Variants in ZDHHC14 observed in about 807,000 individuals in gnomAD.
ZDHHC14 encodes the protein palmitoyltransferase ZDHHC14.
A neutral mutation model predicts 47.7 loss-of-function variants in ZDHHC14; 16 were observed. The ratio of observed to expected loss-of-function variants is 0.34; its 90% CI spans 0.23 to 0.51. The LOEUF is 0.51. ZDHHC14 is among the 20% of genes least tolerant of loss of function. The pLI is 0.97. For missense variants in ZDHHC14, 515 were observed against 662.5 expected (o/e 0.78, Z 2.44); for synonymous variants, 293 against 278.9 (o/e 1.05, Z -0.50).
chr6:157,458,849 A>ATTTTTTTTTTTTTTTTGTTT (rs1778992949), intron 1 of ZDHHC14, among the ~76,000 whole-genome samples: 1 of 81,226 alleles, frequency 1.2e-5, no homozygotes, highest in Non-Finnish European at 2.3e-5. Context: ...ATGTGGGTGG[A>ATTTTTTTTTTTTTTTTGTTT]TTTTTTTTTT....
intron 1 of ZDHHC14, among the ~76,000 whole-genome samples, chr6:157,465,974 G>A (rs1288483116): frequency 2.6e-5 from 4 of 152,076 alleles, no homozygotes; most frequent in Admixed American, 1.3e-4. Flanking sequence ...CCCGGGAGGC[G>A]GAGCTTGCAG....
At chr6:157,542,831 G>A in intron 2 of ZDHHC14, 86 bp downstream of exon 2, 6 of 1,489,664 alleles carry the variant, frequency 4.0e-6, no homozygotes, top group Non-Finnish European at 5.4e-6. Flanking sequence ...GGGCTGTGCA[G>A]GAGGAGCTGA....
chr6:157,476,126 C>A (rs1185205560), intron 1 of ZDHHC14, among the ~76,000 whole-genome samples: 1 of 151,852 alleles, frequency 6.6e-6, no homozygotes, highest in African/African-American at 2.4e-5. Flanking sequence ...GAAATAAAGA[C>A]TAGTAAACAA....
chr6:157,451,445 G>A (rs527401884), intron 1 of ZDHHC14, among the ~76,000 whole-genome samples: 10 of 152,336 alleles, frequency 6.6e-5, no homozygotes, highest in Middle Eastern at 6.8e-3. Flanking sequence ...TGCTTGGCAC[G>A]TAGTAGGACC....
At position 157,580,738 on chromosome 6, in the gene ZDHHC14, T is replaced by G. The variant is rs866943742; in HGVS notation, c.407-12250T>G. On this transcript the variant is annotated intron_variant, in intron 2 of 8. Coordinates refer to ENST00000359775, the MANE Select transcript of ZDHHC14 (RefSeq NM_024630.3). Reference sequence around the variant, plus strand: ...TGTGTGTGTGTGTGTGTGTGTGTTTTTTTCTTTGTATTTCTCTGGGGGTAA... The same window carrying G: ...TGTGTGTGTGTGTGTGTGTGTGTTTGTTTCTTTGTATTTCTCTGGGGGTAA... 2.1e-3 allele frequency among the ~76,000 whole-genome samples: 255 copies of G among 120,020 alleles called. 1 individual carries two copies. The highest frequency in any genetic ancestry group is 8.7e-3 in the African/African-American group (242 of 27,846). 78.7% of individuals were successfully genotyped at this position (120,020 alleles called of 152,430 possible). A position where few individuals can be genotyped will look rare whatever the true frequency, so the allele number is the denominator to read the frequency against.
intron 1 of ZDHHC14, among the ~76,000 whole-genome samples, chr6:157,488,457 A>C (rs1779834457): frequency 6.6e-6 from 1 of 152,224 alleles, no homozygotes; most frequent in Non-Finnish European, 1.5e-5. Context: ...GTGTCTGTTT[A>C]ACAGGCACCA....
chr6:157,461,112 G>A (rs1779072759), intron 1 of ZDHHC14, among the ~76,000 whole-genome samples: 1 of 152,140 alleles, frequency 6.6e-6, no homozygotes, highest in African/African-American at 2.4e-5. Flanking sequence ...GTGGACTTTT[G>A]TTTTTAGAAC....
intron 5 of ZDHHC14, among the ~76,000 whole-genome samples, chr6:157,642,619 A>G (rs1268779756): frequency 3.3e-5 from 5 of 152,194 alleles, no homozygotes; most frequent in Non-Finnish European, 5.9e-5. Context: ...GGTAGCTGCT[A>G]TGATTTGAAA....
intron 1 of ZDHHC14, among the ~76,000 whole-genome samples, chr6:157,402,978 G>A (rs752849144): frequency 8.5e-5 from 13 of 152,128 alleles, no homozygotes; most frequent in African/African-American, 2.4e-4. Context: ...CAGGTGATCC[G>A]CCCGCATCTG....
At chr6:157,449,899 C>G (rs977740084) in intron 1 of ZDHHC14, among the ~76,000 whole-genome samples, 12 of 152,092 alleles carry the variant, frequency 7.9e-5, no homozygotes, top group Non-Finnish European at 1.5e-4. Context: ...GCAGCTTTCC[C>G]CCTTTCTAAC....
At chr6:157,546,092 A>G (rs1385668653) in intron 2 of ZDHHC14, among the ~76,000 whole-genome samples, 2 of 152,204 alleles carry the variant, frequency 1.3e-5, no homozygotes, top group Non-Finnish European at 2.9e-5. Context: ...GAGCTGGTAC[A>G]ATGTCTTTGG....
intron 2 of ZDHHC14, 163 bp from the exon 3 acceptor site, chr6:157,592,825 G>T (rs371900962): frequency 4.2e-6 from 6 of 1,437,356 alleles, no homozygotes; most frequent in East Asian, 2.6e-5. Context: ...GGGTCCCAGC[G>T]GAGGGTGAGT....
intron 1 of ZDHHC14, among the ~76,000 whole-genome samples, chr6:157,410,442 A>G (rs1334976506): frequency 6.6e-6 from 1 of 152,204 alleles, no homozygotes; most frequent in Non-Finnish European, 1.5e-5. Flanking sequence ...AAAAAGTAAG[A>G]ATTGATGTGT....
intron 1 of ZDHHC14, among the ~76,000 whole-genome samples, chr6:157,522,961 C>CTTTCT (rs374064586): frequency 2.2e-5 from 1 of 46,392 alleles, no homozygotes; most frequent in African/African-American, 1.0e-4. Context: ...TTCCTTCCTT[C>CTTTCT]TTTCTTTTCT....
rs550393521 is a variant in ZDHHC14 at position 157,655,922 on chromosome 6, A to G, written c.1068+2295A>G. ...CTTTGTTGAGATTAAGAAAATTAACAAAGGCTGTTTAATGGTGCTCTCACC... is the reference window on the plus strand; with the variant it reads ...CTTTGTTGAGATTAAGAAAATTAACGAAGGCTGTTTAATGGTGCTCTCACC... On this transcript the variant is annotated intron_variant, in intron 8 of 8. Coordinates refer to ENST00000359775, the MANE Select transcript of ZDHHC14 (RefSeq NM_024630.3). Among the ~76,000 whole-genome samples, 8 of 152,356 alleles carry G rather than the reference A, an allele frequency of 5.3e-5. No individual in the cohort carries two copies. In the South Asian group the frequency reaches 1.5e-3, roughly 28 times the overall value.
chr6:157,422,120 A>G (rs1778119284), intron 1 of ZDHHC14, among the ~76,000 whole-genome samples: 1 of 152,142 alleles, frequency 6.6e-6, no homozygotes. Context: ...GCTGGACTGT[A>G]GCTTTCCCCA....
rs575158978 is a variant in ZDHHC14, at chr6:157,623,570, T to A, written c.566-4779T>A. On this transcript the variant is annotated intron_variant, in intron 3 of 8. Coordinates refer to ENST00000359775, the MANE Select transcript of ZDHHC14 (RefSeq NM_024630.3). ...TTTTTTTTTTTTTTTTGAGACAGAG[T>A]CTTGCTCTGTCGCTCAGGCTTTAGT... Among the ~76,000 whole-genome samples the A allele has an allele frequency of 1.9e-4, 25 of 132,704 alleles. No individual in the cohort carries two copies. The East Asian group carries it at 5.3e-3, about 28-fold the overall frequency. The allele number at this position is 132,704 out of a possible 152,430, so 87.1% of individuals were successfully genotyped here. A position where few individuals can be genotyped will look rare whatever the true frequency, so the allele number is the denominator to read the frequency against.
intron 1 of ZDHHC14, among the ~76,000 whole-genome samples, chr6:157,388,908 G>A (rs1777368599): frequency 6.6e-6 from 1 of 152,134 alleles, no homozygotes; most frequent in South Asian, 2.1e-4. Context: ...CCCTGAGGTC[G>A]TCACAGTCTG....
intron 2 of ZDHHC14, among the ~76,000 whole-genome samples, chr6:157,581,012 T>C (rs1783499397): frequency 6.6e-6 from 1 of 152,040 alleles, no homozygotes; most frequent in South Asian, 2.1e-4. Context: ...GTTATGATGT[T>C]AGGTTGTTAA....
Sources: allele counts gnomAD v4.1 joint callset (sites outside exome capture counted in the v4.1 genomes callset), GRCh38; gene constraint gnomAD v4.1.1; transcripts MANE v1.5; gene names NCBI Gene and HGNC (gene_info 2026-07-23, HGNC 2026-07-21).